SLC25A21: variants seen among roughly 807,000 people sequenced by gnomAD.
SLC25A21 encodes solute carrier family 25 member 21, also known as mitochondrial 2-oxodicarboxylate carrier.
Under a neutral mutation model 43.8 loss-of-function variants are expected in SLC25A21, and 47 were observed. The observed-to-expected ratio is 1.07, with a 90% CI of 0.85 to 1.37. SLC25A21 has a LOEUF of 1.37. Among genes scored for constraint, SLC25A21 ranks in the 40% most tolerant of loss-of-function variants. The pLI is 0.00. For missense variants in SLC25A21, 352 were observed against 350.2 expected, an observed-to-expected ratio of 1.00 and a Z score of -0.04; for synonymous variants, 131 against 121.3, an observed-to-expected ratio of 1.08 and a Z score of -0.52.
At chr14:36,967,942 A>G (rs561083096) in intron 1 of SLC25A21, among the ~76,000 whole-genome samples, 1 of 152,348 alleles carries the variant, frequency 6.6e-6, no homozygotes, top group African/African-American at 2.4e-5. Context: ...AGTGCCACAA[A>G]GGAAGGACAC....
chr14:36,833,116 T>A (rs1889093135), intron 2 of SLC25A21, among the ~76,000 whole-genome samples: 1 of 152,162 alleles, frequency 6.6e-6, no homozygotes, highest in Non-Finnish European at 1.5e-5. Flanking sequence ...CAAGGAAGTT[T>A]AAAAATCAGA....
At chr14:37,163,034 C>A (rs1447823765) in intron 1 of SLC25A21, among the ~76,000 whole-genome samples, 1 of 151,380 alleles carries the variant, frequency 6.6e-6, no homozygotes, top group African/African-American at 2.4e-5. Flanking sequence ...AGTAAACTAT[C>A]ACAAGAACAA....
rs148767827 is a variant in SLC25A21 at position 37,010,181 on chromosome 14, A to G, written c.71-135177T>C. Among the ~76,000 whole-genome samples, 63 of 152,370 alleles carry G rather than the reference A, an allele frequency of 4.1e-4. No homozygotes were observed. In the East Asian group the frequency reaches 0.012, roughly 29 times the overall value. ...GAAACGTGTAACCAAATGGCACAGT[A>G]CAGAACATAGTAGACACTCAATAAA... On this transcript the variant is annotated intron_variant, in intron 1 of 9. Transcript: ENST00000331299.
intron 1 of SLC25A21, among the ~76,000 whole-genome samples, chr14:37,091,027 T>C (rs1962574791): frequency 6.6e-6 from 1 of 152,242 alleles, no homozygotes. Flanking sequence ...TTACTTAATA[T>C]ATACTTTTGA....
intron 1 of SLC25A21, among the ~76,000 whole-genome samples, chr14:36,892,685 C>T (rs369215296): frequency 2.0e-5 from 3 of 152,190 alleles, no homozygotes; most frequent in South Asian, 2.1e-4. Flanking sequence ...TCTCCTAATG[C>T]TATCCCTCCC....
At chr14:36,975,998 C>T (rs1036933782) in intron 1 of SLC25A21, among the ~76,000 whole-genome samples, 2 of 152,320 alleles carry the variant, frequency 1.3e-5, no homozygotes, top group South Asian at 2.1e-4. Context: ...TAAACCAACA[C>T]CTCAGACATG....
intron 1 of SLC25A21, among the ~76,000 whole-genome samples, chr14:36,876,168 G>C (rs11621934): frequency 0.44 from 66,883 of 151,904 alleles, 16,085 homozygotes; most frequent in Non-Finnish European, 0.52. Flanking sequence ...CTTGAATTTA[G>C]CCATGATGTA....
At chr14:37,138,405 T>C (rs1192369806) in intron 1 of SLC25A21, among the ~76,000 whole-genome samples, 1 of 152,178 alleles carries the variant, frequency 6.6e-6, no homozygotes, top group Non-Finnish European at 1.5e-5. Flanking sequence ...AAACAAATAA[T>C]TCTTATTAAC....
intron 1 of SLC25A21, among the ~76,000 whole-genome samples, chr14:37,074,136 A>G (rs993827479): frequency 1.3e-5 from 2 of 152,118 alleles, no homozygotes; most frequent in Non-Finnish European, 2.9e-5. Flanking sequence ...CATACATACA[A>G]CTTAATATAA....
intron 3 of SLC25A21, among the ~76,000 whole-genome samples, chr14:36,792,655 C>A (rs904169061): frequency 2.0e-5 from 3 of 152,104 alleles, no homozygotes; most frequent in Non-Finnish European, 4.4e-5. Context: ...TAAGTGGATA[C>A]CTTTATGTGA....
At chr14:36,712,711 A>G (rs2139191079) in intron 6 of SLC25A21, among the ~76,000 whole-genome samples, 1 of 152,346 alleles carries the variant, frequency 6.6e-6, no homozygotes, top group Non-Finnish European at 1.5e-5. Context: ...CAATAAGCTT[A>G]AGAAAACCCT....
chr14:37,133,243 AC>A (rs775119875), intron 1 of SLC25A21, among the ~76,000 whole-genome samples: 11 of 151,688 alleles, frequency 7.3e-5, no homozygotes, highest in Non-Finnish European at 1.6e-4. Flanking sequence ...TTTTTTGGAC[AC>A]CCCATCTATT....
chr14:37,141,812 C>G (rs1268085274), intron 1 of SLC25A21, among the ~76,000 whole-genome samples: 1 of 152,140 alleles, frequency 6.6e-6, no homozygotes, highest in Admixed American at 6.5e-5. Context: ...CTGTAATCAG[C>G]TATTTCTACA....
At chr14:37,105,284 A>G (rs909390292) in intron 1 of SLC25A21, among the ~76,000 whole-genome samples, 3 of 152,234 alleles carry the variant, frequency 2.0e-5, no homozygotes, top group African/African-American at 7.2e-5. Context: ...AAAGTGTTAG[A>G]TTTGAAGTCA....
intron 1 of SLC25A21, among the ~76,000 whole-genome samples, chr14:36,996,139 C>T (rs1039501124): frequency 6.6e-6 from 1 of 152,138 alleles, no homozygotes; most frequent in Middle Eastern, 3.2e-3. Flanking sequence ...TCTCCCTGCC[C>T]TCAGGGAATA....
At chr14:37,082,374 T>A (rs1005298065) in intron 1 of SLC25A21, among the ~76,000 whole-genome samples, 1 of 152,152 alleles carries the variant, frequency 6.6e-6, no homozygotes, top group Non-Finnish European at 1.5e-5. Context: ...TCTAAACATA[T>A]ATACTCTGTA....
intron 1 of SLC25A21, among the ~76,000 whole-genome samples, chr14:36,893,503 C>T (rs573733506): frequency 2.0e-5 from 3 of 152,250 alleles, no homozygotes; most frequent in Non-Finnish European, 2.9e-5. Context: ...TGCCTGTTCA[C>T]TCTGATGGTA....
At position 36,678,521 on chromosome 14, in the gene SLC25A21, A is replaced by G. The variant is rs1882018759; in HGVS notation, c.*2137T>C. 1.3e-6 allele frequency: 2 copies of G among 1,537,010 alleles called. No individual in the cohort carries two copies. The highest frequency in any genetic ancestry group is 1.7e-6 in the Non-Finnish European group (2 of 1,146,762). ...ATAGACTATAAACTGAATGGAACAA[A>G]GATCCAATCCAATATTTTGGTGGAG... On this transcript the variant is annotated 3_prime_UTR_variant, in exon 10 of 10. Transcript: ENST00000331299.
In SLC25A21 at chr14:37,140,833, A is replaced by AT. The variant is rs34719227; in HGVS notation, c.70+31447dup. Among the ~76,000 whole-genome samples, 62 of 149,614 alleles carry AT rather than the reference A, an allele frequency of 4.1e-4. No individual in the cohort carries two copies. In the East Asian group the frequency reaches 4.9e-3, roughly 12 times the overall value. On this transcript the variant is annotated intron_variant, in intron 1 of 9. Coordinates refer to ENST00000331299, the MANE Select transcript of SLC25A21 (RefSeq NM_030631.4). ...TGGAAAAGTTAAGTCTGGTGGTACC[A>AT]TTTTTTTTTTTAACTTTATAAGATC...
Sources: allele counts gnomAD v4.1 joint callset (sites outside exome capture counted in the v4.1 genomes callset), GRCh38; gene constraint gnomAD v4.1.1; transcripts MANE v1.5; gene names NCBI Gene and HGNC (gene_info 2026-07-23, HGNC 2026-07-21).